VWA8: variants seen among roughly 807,000 people sequenced by gnomAD.
The protein encoded by VWA8 is von Willebrand factor A domain-containing protein 8.
A neutral mutation model predicts 241.5 loss-of-function variants in VWA8; 221 were observed. That is an observed-to-expected ratio of 0.91 (90% CI 0.82 to 1.02). The LOEUF is 1.02. Among genes scored for constraint, VWA8 ranks in the 50% least tolerant of loss-of-function variants. VWA8 has a pLI of 0.00. For synonymous variants in VWA8, 852 were observed against 827.1 expected, an observed-to-expected ratio of 1.03 and a Z score of -0.52; for missense variants, 2,322 against 2,328.7, an observed-to-expected ratio of 1.00 and a Z score of 0.06.
chr13:41,957,122 T>C (rs978880388), intron 1 of VWA8, among the ~76,000 whole-genome samples: 10 of 152,300 alleles, frequency 6.6e-5, no homozygotes, highest in African/African-American at 1.9e-4. Context: ...GGTTTGCCTG[T>C]GTCCGACCCA....
intron 4 of VWA8, among the ~76,000 whole-genome samples, chr13:41,896,185 C>T (rs1348185015): frequency 2.6e-5 from 4 of 151,974 alleles, no homozygotes; most frequent in African/African-American, 7.2e-5. Context: ...ATAACTCTCT[C>T]GCACTGTTGG....
chr13:41,606,099 T>C (rs1034156575), intron 39 of VWA8, among the ~76,000 whole-genome samples: 5 of 152,112 alleles, frequency 3.3e-5, no homozygotes, highest in African/African-American at 1.2e-4. Flanking sequence ...CCAGGAAGTC[T>C]GCTCTGATCC....
chr13:41,951,191 C>T (rs1239431782), intron 1 of VWA8, among the ~76,000 whole-genome samples: 2 of 151,820 alleles, frequency 1.3e-5, no homozygotes. Context: ...CCAAGGCAGG[C>T]GGATCACTTG....
At chr13:41,946,960 T>C (rs542736389) in intron 2 of VWA8, among the ~76,000 whole-genome samples, 1 of 152,326 alleles carries the variant, frequency 6.6e-6, no homozygotes, top group African/African-American at 2.4e-5. Context: ...AGAGTCCTCA[T>C]CTTCTACAAT....
chr13:41,912,381 T>G (rs1876053724), intron 2 of VWA8, among the ~76,000 whole-genome samples: 1 of 152,044 alleles, frequency 6.6e-6, no homozygotes, highest in Non-Finnish European at 1.5e-5. Context: ...TTCACATAGT[T>G]TTACAATAAA....
chr13:41,849,619 T>G (rs1273566232), intron 12 of VWA8, among the ~76,000 whole-genome samples: 2 of 152,216 alleles, frequency 1.3e-5, no homozygotes, highest in Non-Finnish European at 2.9e-5. Context: ...TCAGGCACGG[T>G]GGCTCGTGCC....
intron 17 of VWA8, among the ~76,000 whole-genome samples, chr13:41,792,820 T>C (rs1452882871): frequency 6.6e-6 from 1 of 152,114 alleles, no homozygotes; most frequent in Non-Finnish European, 1.5e-5. Flanking sequence ...TGCAAAGCTT[T>C]CTACTATTAT....
chr13:41,825,537 T>C (rs1871140442), intron 14 of VWA8, among the ~76,000 whole-genome samples: 1 of 152,152 alleles, frequency 6.6e-6, no homozygotes, highest in Non-Finnish European at 1.5e-5. Flanking sequence ...CTGTTCTTTC[T>C]GTTAGGCAGC....
At chr13:41,571,328 G>T (rs1045936853) in intron 43 of VWA8, among the ~76,000 whole-genome samples, 18 of 98,472 alleles carry the variant, frequency 1.8e-4, no homozygotes, top group African/African-American at 5.9e-4. Context: ...TCCCTCTCCC[G>T]TCTCCCTCTC....
intron 37 of VWA8, among the ~76,000 whole-genome samples, chr13:41,651,639 T>G (rs1320471818): frequency 6.6e-6 from 1 of 152,226 alleles, no homozygotes; most frequent in Admixed American, 6.5e-5. Flanking sequence ...CACCAAAATT[T>G]GAATTTCATA....
intron 24 of VWA8, among the ~76,000 whole-genome samples, chr13:41,726,301 A>G (rs191082590): frequency 6.5e-4 from 99 of 152,304 alleles, no homozygotes; most frequent in African/African-American, 2.3e-3. Flanking sequence ...CTTGTACTTA[A>G]ACATTGTATA....
chr13:41,830,342 T>G (rs1156650301), intron 14 of VWA8, among the ~76,000 whole-genome samples, 187 bp downstream of exon 14: 2 of 143,674 alleles, frequency 1.4e-5, no homozygotes, highest in Non-Finnish European at 1.5e-5. Flanking sequence ...AGGCTGAGAG[T>G]ACAGATTACA....
At chr13:41,863,425 GTGTGTGTGTATA>G (rs1425252655) in intron 12 of VWA8, among the ~76,000 whole-genome samples, 48 of 67,256 alleles carry the variant, frequency 7.1e-4, no homozygotes, top group Non-Finnish European at 9.6e-4. Context: ...GTGTGTGTGT[GTGTGTGTGTATA>G]TATATATATA....
chr13:41,618,845 G>C (rs942482794), intron 37 of VWA8, among the ~76,000 whole-genome samples: 5 of 152,094 alleles, frequency 3.3e-5, no homozygotes. Context: ...CTCTGTTTTG[G>C]TACCAGTACC....
intron 12 of VWA8, among the ~76,000 whole-genome samples, chr13:41,860,448 C>T (rs1405936012): frequency 6.6e-6 from 1 of 152,080 alleles, no homozygotes; most frequent in Non-Finnish European, 1.5e-5. Flanking sequence ...TAAGACATGA[C>T]TAAATGACCT....
intron 9 of VWA8, among the ~76,000 whole-genome samples, chr13:41,875,208 C>T (rs2138063545): frequency 6.6e-6 from 1 of 152,148 alleles, no homozygotes; most frequent in South Asian, 2.1e-4. Context: ...TAGACAGAAA[C>T]CCCTAGAAGA....
chr13:41,773,977 C>G lies in VWA8; in HGVS notation c.2349+4008G>C, dbSNP rs561409076. 2.6e-5 allele frequency among the ~76,000 whole-genome samples: 4 copies of G among 152,228 alleles called. No homozygotes were observed. In the East Asian group the frequency reaches 5.8e-4, roughly 22 times the overall value. On this transcript the variant is annotated intron_variant, in intron 20 of 44. Transcript: ENST00000379310. ...TGAGTAGGTAGTCCCTAGATTTTATCTAATTCATTAGTCTCCTTCACTTAA... is the reference window on the plus strand; with the variant it reads ...TGAGTAGGTAGTCCCTAGATTTTATGTAATTCATTAGTCTCCTTCACTTAA...
chr13:41,951,909 T>C (rs542537614), intron 1 of VWA8, among the ~76,000 whole-genome samples: 2 of 152,210 alleles, frequency 1.3e-5, no homozygotes, highest in Admixed American at 1.3e-4. Flanking sequence ...TGTGGTAAAT[T>C]GAGAGAGGAA....
At chr13:41,952,865 G>A (rs1445908118) in intron 1 of VWA8, among the ~76,000 whole-genome samples, 2 of 151,860 alleles carry the variant, frequency 1.3e-5, no homozygotes, top group Admixed American at 6.6e-5. Flanking sequence ...CAGAGTTTAC[G>A]GAAACCAAAA....
Sources: allele counts gnomAD v4.1 joint callset (sites outside exome capture counted in the v4.1 genomes callset), GRCh38; gene constraint gnomAD v4.1.1; transcripts MANE v1.5; gene names NCBI Gene and HGNC (gene_info 2026-07-23, HGNC 2026-07-21).